The following ZPLD1 variants were observed in gnomAD, a reference collection of about 807,000 sequenced individuals.
ZPLD1 encodes zona pellucida-like domain-containing protein 1.
Under a neutral mutation model 47.2 loss-of-function variants are expected in ZPLD1, and 34 were observed. The observed-to-expected ratio is 0.72, with a 90% CI of 0.55 to 0.96. ZPLD1 has a LOEUF of 0.96. Ranked by LOEUF, ZPLD1 falls within the 40% of genes least tolerant of loss-of-function variation. ZPLD1 has a pLI of 0.00. For synonymous variants in ZPLD1, 176 were observed against 186.2 expected (o/e 0.95, Z 0.45); for missense variants, 512 against 505.8 (o/e 1.01, Z -0.12).
chr3:102,452,697 C>T (rs1707355916), intron 3 of ZPLD1, among the ~76,000 whole-genome samples: 1 of 152,160 alleles, frequency 6.6e-6, no homozygotes, highest in African/African-American at 2.4e-5. Context: ...CAGAGGTGAA[C>T]TGTAATCTCT....
chr3:102,477,777 G>T lies in ZPLD1; in HGVS notation c.*159G>T, dbSNP rs1707781166. 1 of 630,356 alleles carries T rather than the reference G, an allele frequency of 1.6e-6. No homozygotes were observed. The highest frequency in any genetic ancestry group is 3.5e-5 in the South Asian group (1 of 28,704). The allele number at this position is 630,356 out of a possible 1,614,324, so 39.0% of individuals were successfully genotyped here. ...TGTCAGCATAATGATAGTGAAAGAA[G>T]TTTATTATATTGCTATTGTCACTTA... is the stretch of plus-strand genomic sequence containing the variant. On this transcript the variant is annotated 3_prime_UTR_variant, in exon 12 of 12. Coordinates refer to ENST00000466937, the MANE Select transcript of ZPLD1 (RefSeq NM_001329788.2).
In ZPLD1 at chr3:102,453,112, C is replaced by G; in HGVS notation, c.300C>G (p.Thr100=). Residue 100 remains threonine (T), a synonymous_variant, in exon 4 of 12, where the codon ACC becomes ACG. Coordinates refer to ENST00000466937, the MANE Select transcript of ZPLD1 (RefSeq NM_001329788.2). ...TCATTTTTATCATCAATCTCAGCAC[C>G]TTGGAGGGCTGTGGAAACAACCTGG... is the stretch of plus-strand genomic sequence containing the variant. The part of the protein sequence containing the change: ...AVVIFIINLS[T]LEGCGNNLVV... 2 of 1,613,978 alleles carry G rather than the reference C, an allele frequency of 1.2e-6. No individual in the cohort carries two copies. The highest frequency in any genetic ancestry group is 1.7e-6 in the Non-Finnish European group (2 of 1,179,962).
At chr3:102,430,804 A>C (rs1707007282), upstream of ZPLD1, among the ~76,000 whole-genome samples, 1 of 152,188 alleles carries the variant, frequency 6.6e-6, no homozygotes, top group African/African-American at 2.4e-5. Context: ...TCTATTGAGA[A>C]AGAAATATTT....
Position 102,436,840 on chromosome 3 carries a change from C to G in ZPLD1, c.-122-20C>G. 1.0e-6 allele frequency: 1 copy of G among 969,984 alleles called. No homozygotes were observed. The allele number at this position is 969,984 out of a possible 1,614,324, so 60.1% of individuals were successfully genotyped here. A position where few individuals can be genotyped will look rare whatever the true frequency, so the allele number is the denominator to read the frequency against. ...CAAAATAACTCACCAACTTAAATTCCTGATTCTGTAATTTCTTAGGATACA... is the reference window on the plus strand; with the variant it reads ...CAAAATAACTCACCAACTTAAATTCGTGATTCTGTAATTTCTTAGGATACA... On this transcript the variant is annotated intron_variant, in intron 1 of 11. Coordinates refer to ENST00000466937, the MANE Select transcript of ZPLD1 (RefSeq NM_001329788.2).
rs1181501761 is a variant in ZPLD1 at position 102,478,411 on chromosome 3, A to C, written c.*793A>C. On this transcript the variant is annotated 3_prime_UTR_variant, in exon 12 of 12. Transcript: ENST00000466937. ...TGTTGCAGCTGTGCTTCCAGCAGTGAGGTAACTATGCAAAGATTATTTTTA... is the reference window on the plus strand; with the variant it reads ...TGTTGCAGCTGTGCTTCCAGCAGTGCGGTAACTATGCAAAGATTATTTTTA... 6 of 151,398 alleles carry C rather than the reference A, an allele frequency of 4.0e-5. No individual in the cohort carries two copies. The highest frequency in any genetic ancestry group is 1.2e-4 in the African/African-American group (5 of 41,270). 9.4% of individuals were successfully genotyped at this position (151,398 alleles called of 1,614,324 possible). A position where few individuals can be genotyped will look rare whatever the true frequency, so the allele number is the denominator to read the frequency against.
rs187996516 is a variant in ZPLD1, at chr3:102,477,884, G to A, written c.*266G>A. 1.2e-4 allele frequency: 35 copies of A among 283,530 alleles called. No individual in the cohort carries two copies. Among genetic ancestry groups the A allele is most frequent in the Non-Finnish European group, 1.3e-5 (2 of 154,136 alleles). The allele number at this position is 283,530 out of a possible 1,614,324, so 17.6% of individuals were successfully genotyped here. A position where few individuals can be genotyped will look rare whatever the true frequency, so the allele number is the denominator to read the frequency against. On this transcript the variant is annotated 3_prime_UTR_variant, in exon 12 of 12. Transcript: ENST00000466937. ...AAATATTCAGGACTTAGGGCTTACA[G>A]GATCAGTAATATTTCATTTTATTTC...
chr3:102,442,479 G>C (rs1040428645), intron 3 of ZPLD1, among the ~76,000 whole-genome samples: 2 of 152,032 alleles, frequency 1.3e-5, no homozygotes, highest in African/African-American at 4.8e-5. Context: ...ATTTAGATGG[G>C]TATTATTTAA....
chr3:102,449,833 G>A (rs1443696273), intron 3 of ZPLD1, among the ~76,000 whole-genome samples: 1 of 152,096 alleles, frequency 6.6e-6, no homozygotes, highest in Admixed American at 6.6e-5. Context: ...TGGGAGTCCT[G>A]GAATGTATCC....
intron 4 of ZPLD1, among the ~76,000 whole-genome samples, chr3:102,455,253 A>T (rs1253284387): frequency 1.3e-5 from 2 of 152,200 alleles, no homozygotes. Context: ...GCTCTCTTGT[A>T]TTTGACAAGG....
At chr3:102,438,393 T>A (rs960197128) in intron 2 of ZPLD1, 87 bp from the exon 3 acceptor site, 7 of 874,676 alleles carry the variant, frequency 8.0e-6, no homozygotes, top group Admixed American at 3.9e-5. Context: ...TATCCAACAG[T>A]GAGCTGAGAT....
At chr3:102,452,727 TA>T (rs1417747174) in intron 3 of ZPLD1, among the ~76,000 whole-genome samples, 191 bp from the exon 4 acceptor site, 11 of 152,124 alleles carry the variant, frequency 7.2e-5, no homozygotes, top group African/African-American at 2.7e-4. Context: ...GATCTCTCCT[TA>T]AATAACTAAA....
At position 102,435,069 on chromosome 3, in the gene ZPLD1, T is replaced by C; in HGVS notation, c.-208T>C. 1 of 1,609,926 alleles carries C rather than the reference T, an allele frequency of 6.2e-7. No homozygotes were observed. Among genetic ancestry groups the C allele is most frequent in the Admixed American group, 1.7e-5 (1 of 60,000 alleles). Reference sequence around the variant, plus strand: ...CATACAATTCAATTTCAGAAAAGTATTTAGGGACTGTGCTAAAATAGCATC... The same window carrying C: ...CATACAATTCAATTTCAGAAAAGTACTTAGGGACTGTGCTAAAATAGCATC... On this transcript the variant is annotated 5_prime_UTR_variant, in exon 1 of 12. Transcript: ENST00000466937.
chr3:102,451,081 T>C (rs1056391456), intron 3 of ZPLD1, among the ~76,000 whole-genome samples: 2 of 152,190 alleles, frequency 1.3e-5, no homozygotes, highest in Admixed American at 1.3e-4. Flanking sequence ...TTTTCATCTT[T>C]CTTTATAGGT....
intron 10 of ZPLD1, among the ~76,000 whole-genome samples, chr3:102,474,424 G>T (rs200628319): frequency 6.6e-6 from 1 of 152,094 alleles, no homozygotes; most frequent in African/African-American, 2.4e-5. Flanking sequence ...ACTGGCACTC[G>T]TCTAGGAACT....
chr3:102,392,584 C>T (rs920246862), intron 7 of ZPLD1, among the ~76,000 whole-genome samples: 1 of 146,780 alleles, frequency 6.8e-6, no homozygotes, highest in Non-Finnish European at 1.5e-5. Context: ...TTCCCCCTTC[C>T]TTCTTTCTTC....
chr3:102,449,428 A>G (rs113180504), intron 3 of ZPLD1, among the ~76,000 whole-genome samples: 1 of 152,220 alleles, frequency 6.6e-6, no homozygotes, highest in African/African-American at 2.4e-5. Flanking sequence ...ACTGCAATCA[A>G]CTGTGTTCAG....
At chr3:102,422,988 A>G (rs886318510) in intron 8 of ZPLD1, among the ~76,000 whole-genome samples, 1 of 152,106 alleles carries the variant, frequency 6.6e-6, no homozygotes, top group Admixed American at 6.6e-5. Context: ...AAAATTTTAT[A>G]TCATTTGATC....
chr3:102,395,628 AC>A (rs1706548270), intron 7 of ZPLD1, among the ~76,000 whole-genome samples: 1 of 152,186 alleles, frequency 6.6e-6, no homozygotes, highest in African/African-American at 2.4e-5. Context: ...AACTGTAAGA[AC>A]AAATTTGTGT....
upstream of ZPLD1, chr3:102,434,883 G>A (rs1181286795): frequency 2.0e-6 from 1 of 491,982 alleles, no homozygotes; most frequent in African/African-American, 1.9e-5. Flanking sequence ...ACAGAATCAG[G>A]TTCTACATTC....
Sources: allele counts gnomAD v4.1 joint callset (sites outside exome capture counted in the v4.1 genomes callset), GRCh38; gene constraint gnomAD v4.1.1; transcripts MANE v1.5; gene names NCBI Gene and HGNC (gene_info 2026-07-23, HGNC 2026-07-21).